The following DAB1 variants were observed in gnomAD, a reference collection of about 807,000 sequenced individuals.
DAB1 encodes the protein disabled homolog 1.
Under a neutral mutation model 64.6 loss-of-function variants are expected in DAB1, and 15 were observed. That is an observed-to-expected ratio of 0.23 (90% confidence interval 0.16 to 0.36). The LOEUF (loss-of-function observed/expected upper bound fraction) is 0.36, where lower values mean the gene tolerates loss of function less well. DAB1 is among the 10% of genes least tolerant of loss of function. The pLI is 1.00. For missense variants in DAB1, 596 were observed against 706.7 expected, an observed-to-expected ratio of 0.84 and a Z score of 1.78; for synonymous variants, 235 against 251.9, an observed-to-expected ratio of 0.93 and a Z score of 0.64.
chr1:57,099,632 C>T (rs1654486219), intron 4 of DAB1, among the ~76,000 whole-genome samples: 1 of 152,138 alleles, frequency 6.6e-6, no homozygotes, highest in Non-Finnish European at 1.5e-5. Context: ...AAAGTGGAAA[C>T]AGGGTTAGAA....
intron 4 of DAB1, among the ~76,000 whole-genome samples, chr1:57,079,665 A>G (rs1396948991): frequency 1.3e-5 from 2 of 152,160 alleles, no homozygotes; most frequent in Non-Finnish European, 2.9e-5. Flanking sequence ...CTGACTCACT[A>G]CAGGCCCCCT....
chr1:57,891,245 C>A (rs776805072), intron 5 of DAB1, among the ~76,000 whole-genome samples: 2 of 152,018 alleles, frequency 1.3e-5, no homozygotes, highest in Admixed American at 6.6e-5. Context: ...ATGCGGCCAA[C>A]AAACATGAAA....
chr1:57,147,815 C>T (rs562990899), intron 2 of DAB1, among the ~76,000 whole-genome samples: 2 of 152,204 alleles, frequency 1.3e-5, no homozygotes, highest in African/African-American at 2.4e-5. Context: ...GAGGTAGGTA[C>T]GAGTATTCAG....
At chr1:57,009,916 T>A (rs186980521) in intron 14 of DAB1, among the ~76,000 whole-genome samples, 14 of 152,350 alleles carry the variant, frequency 9.2e-5, no homozygotes, top group Admixed American at 4.6e-4. Context: ...AGTGATTTGG[T>A]GGCAATCCAC....
At chr1:57,395,085 C>T (rs745692813) in intron 1 of DAB1, among the ~76,000 whole-genome samples, 4 of 152,102 alleles carry the variant, frequency 2.6e-5, no homozygotes, top group African/African-American at 9.7e-5. Flanking sequence ...AGTGCACTGG[C>T]GAGATCTCGG....
chr1:57,932,411 C>T (rs1466901455), intron 5 of DAB1, among the ~76,000 whole-genome samples: 1 of 151,846 alleles, frequency 6.6e-6, no homozygotes, highest in Non-Finnish European at 1.5e-5. Flanking sequence ...CTGCAATTCT[C>T]CTGCCTCAGC....
intron 1 of DAB1, among the ~76,000 whole-genome samples, chr1:57,306,019 A>C (rs1674130432): frequency 2.6e-5 from 4 of 152,170 alleles, no homozygotes; most frequent in African/African-American, 9.6e-5. Flanking sequence ...CTTTCATGAG[A>C]ACCTACTAGG....
intron 4 of DAB1, among the ~76,000 whole-genome samples, chr1:57,125,236 A>G (rs1360198309): frequency 2.0e-5 from 3 of 152,204 alleles, no homozygotes; most frequent in Admixed American, 2.0e-4. Flanking sequence ...CAGACCCCAT[A>G]GGTCCCTGAA....
chr1:57,287,778 T>TTTTATTTATTTATTTATTTATTTATTTA (rs10647426), intron 2 of DAB1, among the ~76,000 whole-genome samples: 3 of 144,102 alleles, frequency 2.1e-5, no homozygotes, highest in African/African-American at 5.2e-5. Flanking sequence ...TTTCTCTCTC[T>TTTTATTTATTTATTTATTTATTTATTTA]TTTATTTATT....
In DAB1 at chr1:58,137,644, A is replaced by G. The variant is rs557627478; in HGVS notation, n.387+12867T>C. Among the ~76,000 whole-genome samples, 6 of 152,218 alleles carry G rather than the reference A, an allele frequency of 3.9e-5. No homozygotes were observed. The South Asian group carries it at 1.2e-3, about 32-fold the overall frequency. ...TTCAACCATTGATTCATCCTTCCTT[A>G]TAGCCAACTCCAGCCAAGTGTCTAC... On this transcript the variant is annotated intron_variant and non_coding_transcript_variant, in intron 5 of 20. Transcript: ENST00000485760.
intron 5 of DAB1, among the ~76,000 whole-genome samples, chr1:58,131,509 G>A (rs199937750): frequency 0.011 from 1,565 of 145,310 alleles, 38 homozygotes; most frequent in East Asian, 0.1. Flanking sequence ...GAGGAACTGC[G>A]TTCCTTTGGA....
intron 5 of DAB1, among the ~76,000 whole-genome samples, chr1:58,122,597 T>TA (rs145918583): frequency 0.2 from 30,211 of 147,388 alleles, 3,117 homozygotes; most frequent in East Asian, 0.36. Context: ...TTATTTGTTG[T>TA]AAAAAAAAAA....
intron 4 of DAB1, among the ~76,000 whole-genome samples, chr1:58,161,262 G>T (rs964065594): frequency 6.6e-6 from 1 of 152,202 alleles, no homozygotes; most frequent in African/African-American, 2.4e-5. Flanking sequence ...AAGTTCAATT[G>T]AGAGTAAAGC....
intron 4 of DAB1, among the ~76,000 whole-genome samples, chr1:58,200,428 G>A (rs888498711): frequency 6.6e-6 from 1 of 151,846 alleles, no homozygotes; most frequent in African/African-American, 2.4e-5. Flanking sequence ...TTGCTCCCTG[G>A]TTTAGCTAGT....
intron 6 of DAB1, among the ~76,000 whole-genome samples, chr1:57,697,992 C>T (rs1646864599): frequency 6.6e-6 from 1 of 152,118 alleles, no homozygotes; most frequent in African/African-American, 2.4e-5. Context: ...ACAAGCTGTT[C>T]CTCAAAACCA....
chr1:57,575,782 T>C (rs751086297), intron 7 of DAB1, among the ~76,000 whole-genome samples: 5 of 152,190 alleles, frequency 3.3e-5, no homozygotes, highest in African/African-American at 1.2e-4. Context: ...CAAGTCATTA[T>C]TGAGTTCTCT....
chr1:57,316,157 C>T (rs1224431807), intron 1 of DAB1, among the ~76,000 whole-genome samples: 4 of 152,182 alleles, frequency 2.6e-5, no homozygotes, highest in East Asian at 3.9e-4. Context: ...CTCTGACTAT[C>T]GCAAAAGAAA....
rs116628801 is a variant in DAB1, at chr1:58,522,099, A to C, written n.107+5162T>G. On this transcript the variant is annotated intron_variant and non_coding_transcript_variant, in intron 2 of 20. Coordinates refer to the DAB1 transcript ENST00000485760. ...CAAAAATGCAACTTAACTTTAAAAA[A>C]AATTAATGTAATTTGCCCAATAACA... Among the ~76,000 whole-genome samples the C allele has an allele frequency of 4.3e-3, 651 of 152,332 alleles. 3 individuals carry two copies. Among genetic ancestry groups the C allele is most frequent in the African/African-American group, 0.015 (630 of 41,574 alleles).
At chr1:57,510,144 GT>G (rs1644390236) in intron 7 of DAB1, among the ~76,000 whole-genome samples, 1 of 152,142 alleles carries the variant, frequency 6.6e-6, no homozygotes, top group Admixed American at 6.6e-5. Context: ...CACAACTGCA[GT>G]TCCCTTCCAC....
Sources: allele counts gnomAD v4.1 joint callset (sites outside exome capture counted in the v4.1 genomes callset), GRCh38; gene constraint gnomAD v4.1.1; transcripts MANE v1.5; gene names NCBI Gene and HGNC (gene_info 2026-07-23, HGNC 2026-07-21).